Variants in HEPHL1 observed in about 807,000 individuals in gnomAD.
The protein encoded by HEPHL1 is hephaestin like 1.
Under a neutral mutation model 122.0 loss-of-function variants are expected in HEPHL1, and 123 were observed. The ratio of observed to expected loss-of-function variants is 1.01; its 90% CI spans 0.87 to 1.17. The LOEUF is 1.17. HEPHL1 is among the 50% of genes most tolerant of loss of function. The pLI is 0.00. For missense variants in HEPHL1, 1,452 were observed against 1,430.5 expected (o/e 1.01, Z -0.24); for synonymous variants, 527 against 508.9 (o/e 1.04, Z -0.48).
At chr11:94,110,817 T>G in intron 17 of HEPHL1, 86 bp from the exon 18 acceptor site, 1 of 1,063,270 alleles carries the variant, frequency 9.4e-7, no homozygotes, top group Non-Finnish European at 1.3e-6. Context: ...TTACTGTGGG[T>G]TTTATTTGTT....
At chr11:94,077,041 C>A (rs1440754451) in intron 9 of HEPHL1, among the ~76,000 whole-genome samples, 2 of 152,192 alleles carry the variant, frequency 1.3e-5, no homozygotes, top group Non-Finnish European at 2.9e-5. Context: ...CACCCAGATT[C>A]ATCAACATTT....
intron 1 of HEPHL1, among the ~76,000 whole-genome samples, chr11:94,028,989 G>A (rs553887334): frequency 6.2e-4 from 95 of 152,104 alleles, no homozygotes; most frequent in African/African-American, 2.2e-3. Context: ...TTACTTTCAA[G>A]CTTTTTTTCC....
intron 8 of HEPHL1, 55 bp downstream of exon 8, chr11:94,073,494 G>GGTTC (rs1946095791): frequency 6.6e-7 from 1 of 1,505,264 alleles, no homozygotes; most frequent in African/African-American, 1.4e-5. Context: ...AAAGCACTTA[G>GGTTC]AAATAAACAG....
chr11:94,037,023 G>A (rs1165083728), intron 1 of HEPHL1, among the ~76,000 whole-genome samples: 1 of 152,178 alleles, frequency 6.6e-6, no homozygotes, highest in Non-Finnish European at 1.5e-5. Flanking sequence ...CACCGTGCAC[G>A]AGCCGAAGCA....
chr11:94,094,248 GT>G (rs999509659), intron 13 of HEPHL1, among the ~76,000 whole-genome samples: 5 of 151,694 alleles, frequency 3.3e-5, no homozygotes, highest in Non-Finnish European at 5.9e-5. Context: ...AACATGTGGT[GT>G]TTGGTTTTTT....
At position 94,106,115 on chromosome 11, in the gene HEPHL1, G is replaced by C. The variant is rs367854178; in HGVS notation, c.3030G>C (p.Glu1010Asp). The part of the protein sequence containing the change: ...VDIHTIHYHA[E>D]SFLFKIDKSY... The stretch of plus-strand genomic sequence containing the variant: ...TACATACCATCCATTATCATGCTGA[G>C]AGCTTTCTTTTCAAAGTAAGTATAA... Residue 1010 changes from glutamate to aspartate, a missense_variant, in exon 17 of 20, where the codon GAG becomes GAC. Glu to Asp is a conservative substitution (Grantham distance 45). Transcript: ENST00000315765. 40 of 1,560,274 alleles carry C rather than the reference G, an allele frequency of 2.6e-5. No homozygotes were observed. Among genetic ancestry groups the C allele is most frequent in the Non-Finnish European group, 3.4e-5 (39 of 1,146,480 alleles).
At chr11:94,057,382 CA>C (rs1226446978) in intron 2 of HEPHL1, among the ~76,000 whole-genome samples, 2 of 152,054 alleles carry the variant, frequency 1.3e-5, no homozygotes, top group African/African-American at 2.4e-5. Flanking sequence ...CCTCTTTCTG[CA>C]GACAACTGTT....
At chr11:94,024,880 G>A (rs1274028559) in intron 1 of HEPHL1, among the ~76,000 whole-genome samples, 1 of 152,152 alleles carries the variant, frequency 6.6e-6, no homozygotes, top group Non-Finnish European at 1.5e-5. Context: ...ATCCTATGGA[G>A]GATCCAGTAC....
chr11:94,088,851 A>G lies in HEPHL1; in HGVS notation c.2177A>G (p.Glu726Gly). The change falls in exon 12 of 20, where the codon GAG (glutamate) becomes GGG (glycine). Residue 726 changes from glutamate (E) to glycine (G), a missense_variant. Glu to Gly is a moderately conservative substitution (Grantham distance 98). Transcript: ENST00000315765. ...VSSCDNRDPS[E>G]QRYGMIRTFY... Reference sequence around the variant, plus strand: ...AGCTGTGACAACAGGGACCCTTCTGAGCAGCGGTACGGGATGATAAGAACT... The same window carrying G: ...AGCTGTGACAACAGGGACCCTTCTGGGCAGCGGTACGGGATGATAAGAACT... 6.2e-7 allele frequency: 1 copy of G among 1,613,990 alleles called. No individual in the cohort carries two copies. The highest frequency in any genetic ancestry group is 8.5e-7 in the Non-Finnish European group (1 of 1,179,874).
chr11:94,045,810 T>C lies in HEPHL1; in HGVS notation c.308T>C (p.Ile103Thr), dbSNP rs779746221. Residue 103 changes from isoleucine (I) to threonine (T), a missense_variant, in exon 2 of 20, where the codon ATC (isoleucine) becomes ACC (threonine). Transcript: ENST00000315765. ...CCCTGGCTTGGATTCCTGGGCCCCA[T>C]CTTGAGGGCCGAAGTGGGTGATGTG... ...KPPWLGFLGP[I>T]LRAEVGDVIV... The C allele has an allele frequency of 2.5e-6, 4 of 1,613,808 alleles. No individual in the cohort carries two copies. The Admixed American group carries it at 6.7e-5, about 27-fold the overall frequency.
Position 94,021,396 on chromosome 11 carries a change from AT to A in HEPHL1, c.29del (p.Ile10ThrfsTer61). On this transcript the variant is annotated frameshift_variant, in exon 1 of 20. Transcript: ENST00000315765. LOFTEE classifies it high-confidence loss of function. ...GCCTCGGAAGCAGCCAGCTGGCTGC[AT>A]CTTTCTCCTCACATTCCTGGGTCTG... MPRKQPAGCIFLLTFLGLSG... is the reference protein window; with the variant it reads MPRKQPAGCXFLLTFLGLSG... 6.2e-7 allele frequency: 1 copy of A among 1,613,378 alleles called. No homozygotes were observed.
intron 2 of HEPHL1, among the ~76,000 whole-genome samples, chr11:94,051,135 T>TG (rs993052165): frequency 6.6e-6 from 1 of 152,090 alleles, no homozygotes; most frequent in African/African-American, 2.4e-5. Flanking sequence ...ATTTCCTTTT[T>TG]GGGGGGTACA....
At chr11:94,068,609 T>C (rs1946052663) in intron 5 of HEPHL1, among the ~76,000 whole-genome samples, 1 of 152,118 alleles carries the variant, frequency 6.6e-6, no homozygotes, top group Non-Finnish European at 1.5e-5. Context: ...TTAGCAAAGC[T>C]AAGGAGGTGG....
At chr11:94,088,400 C>G (rs1195416237) in intron 11 of HEPHL1, among the ~76,000 whole-genome samples, 1 of 152,112 alleles carries the variant, frequency 6.6e-6, no homozygotes, top group African/African-American at 2.4e-5. Flanking sequence ...GTAATTAGTT[C>G]TTTTTAAACT....
In HEPHL1 at chr11:94,111,591, C is replaced by T. The variant is rs367659832; in HGVS notation, c.3263C>T (p.Thr1088Met). ...TSPGVASHPATVPSNERPGKE... is the reference protein window; with the variant it reads ...TSPGVASHPAMVPSNERPGKE... ...CCTGGAGTGGCATCTCACCCAGCCA[C>T]GGTGCCATCTAACGGTAATGATACC... The change falls in exon 19 of 20, where the codon ACG becomes ATG. Residue 1088 changes from threonine (T) to methionine (M), a missense_variant. Physicochemically the swap from Thr to Met is moderately conservative, Grantham distance 81. Coordinates refer to ENST00000315765, the MANE Select transcript of HEPHL1 (RefSeq NM_001098672.2). 218 of 1,606,270 alleles carry T rather than the reference C, an allele frequency of 1.4e-4. No homozygotes were observed. The highest frequency in any genetic ancestry group is 1.7e-4 in the Middle Eastern group (1 of 6,054).
chr11:94,065,710 AT>A (rs1221737322), intron 4 of HEPHL1, among the ~76,000 whole-genome samples: 1 of 152,196 alleles, frequency 6.6e-6, no homozygotes, highest in Non-Finnish European at 1.5e-5. Context: ...ACCAGTTGTA[AT>A]GCATATCCTT....
chr11:94,062,391 C>A (rs1345710337), intron 2 of HEPHL1, among the ~76,000 whole-genome samples: 1 of 152,182 alleles, frequency 6.6e-6, no homozygotes, highest in Non-Finnish European at 1.5e-5. Flanking sequence ...CTCCAAACAT[C>A]AAACCACGCT....
In HEPHL1 at chr11:94,112,605, T is replaced by C. The variant is rs1946459880; in HGVS notation, c.*711T>C. The C allele has an allele frequency of 6.6e-6, 1 of 152,248 alleles. No homozygotes were observed. Among genetic ancestry groups the C allele is most frequent in the Non-Finnish European group, 1.5e-5 (1 of 68,042 alleles). 9.4% of individuals were successfully genotyped at this position (152,248 alleles called of 1,614,324 possible). A position where few individuals can be genotyped will look rare whatever the true frequency, so the allele number is the denominator to read the frequency against. ...CAACTCACTTCATGTTACATGTTTTTACAATATGTTTCTGTGGCAATGTTT... is the reference window on the plus strand; with the variant it reads ...CAACTCACTTCATGTTACATGTTTTCACAATATGTTTCTGTGGCAATGTTT... On this transcript the variant is annotated 3_prime_UTR_variant, in exon 20 of 20. Coordinates refer to ENST00000315765, the MANE Select transcript of HEPHL1 (RefSeq NM_001098672.2).
intron 15 of HEPHL1, among the ~76,000 whole-genome samples, chr11:94,103,928 T>A (rs1428045015): frequency 6.6e-6 from 1 of 152,216 alleles, no homozygotes; most frequent in Admixed American, 6.5e-5. Context: ...TGAGCACTTG[T>A]GATGTGCAAA....
Sources: allele counts gnomAD v4.1 joint callset (sites outside exome capture counted in the v4.1 genomes callset), GRCh38; gene constraint gnomAD v4.1.1; transcripts MANE v1.5; gene names NCBI Gene and HGNC (gene_info 2026-07-23, HGNC 2026-07-21).